Variants in CDC42BPA observed in about 807,000 individuals in gnomAD.
The protein encoded by CDC42BPA is CDC42 binding protein kinase alpha.
Under a neutral mutation model 223.5 loss-of-function variants are expected in CDC42BPA, and 80 were observed. The ratio of observed to expected loss-of-function variants is 0.36; its 90% CI spans 0.30 to 0.43. The LOEUF (loss-of-function observed/expected upper bound fraction) is 0.43, where lower values mean the gene tolerates loss of function less well. CDC42BPA is among the 20% of genes least tolerant of loss of function. The pLI is 1.00. For missense variants in CDC42BPA, 1,743 were observed against 2,099.9 expected (o/e 0.83, Z 3.32); for synonymous variants, 694 against 718.6 (o/e 0.97, Z 0.55).
intron 1 of CDC42BPA, among the ~76,000 whole-genome samples, 196 bp downstream of exon 1, chr1:227,316,809 C>A (rs1308955479): frequency 2.6e-5 from 4 of 152,144 alleles, no homozygotes; most frequent in Admixed American, 6.5e-5. Flanking sequence ...TAAATCAAGG[C>A]AACAATTGAG....
chr1:227,066,652 T>C (rs1677148922), intron 21 of CDC42BPA, among the ~76,000 whole-genome samples: 1 of 152,020 alleles, frequency 6.6e-6, no homozygotes, highest in Non-Finnish European at 1.5e-5. Flanking sequence ...GGTGGATAGA[T>C]GACTGAGTGA....
At chr1:226,998,611 G>A (rs1662113097) in intron 35 of CDC42BPA, among the ~76,000 whole-genome samples, 1 of 152,086 alleles carries the variant, frequency 6.6e-6, no homozygotes, top group Non-Finnish European at 1.5e-5. Flanking sequence ...ACTGAAATTG[G>A]ACCCCTTCCT....
In CDC42BPA at chr1:227,146,663, G is replaced by A. The variant is rs367708581; in HGVS notation, c.894+696C>T. 6.6e-5 allele frequency among the ~76,000 whole-genome samples: 10 copies of A among 151,958 alleles called. No homozygotes were observed. The East Asian group carries it at 1.7e-3, about 26-fold the overall frequency. On this transcript the variant is annotated intron_variant, in intron 7 of 36. Transcript: ENST00000366766. ...TTCACTTAGTACTAAATATATTAAC[G>A]TTTCATTAATTTGTTCTTGTTGTGT...
intron 6 of CDC42BPA, among the ~76,000 whole-genome samples, chr1:227,155,345 G>A (rs568248225): frequency 6.6e-6 from 1 of 152,232 alleles, no homozygotes; most frequent in South Asian, 2.1e-4. Flanking sequence ...ACTATGTCCA[G>A]ACAAACTATC....
chr1:227,072,032 T>C (rs1376810055), intron 20 of CDC42BPA, among the ~76,000 whole-genome samples, 176 bp downstream of exon 20: 1 of 151,904 alleles, frequency 6.6e-6, no homozygotes, highest in Admixed American at 6.6e-5. Context: ...AGGTCAGTCT[T>C]CCAAATGTGT....
chr1:227,169,402 T>G (rs1038962161), intron 5 of CDC42BPA, among the ~76,000 whole-genome samples: 11 of 152,286 alleles, frequency 7.2e-5, no homozygotes, highest in Admixed American at 4.6e-4. Context: ...AGTTAGCATT[T>G]TTTTCTTTCT....
chr1:227,090,568 T>G (rs996810367), intron 16 of CDC42BPA, among the ~76,000 whole-genome samples: 8 of 152,168 alleles, frequency 5.3e-5, no homozygotes, highest in Admixed American at 1.3e-4. Context: ...CCCAGCATTT[T>G]GGGAGGCTGA....
chr1:227,053,493 A>G (rs1401519842), intron 21 of CDC42BPA, among the ~76,000 whole-genome samples: 3 of 152,142 alleles, frequency 2.0e-5, no homozygotes, highest in Non-Finnish European at 4.4e-5. Context: ...AAACTGGGCC[A>G]CTGAACTAAA....
At chr1:227,310,104 C>T (rs1338569773) in intron 1 of CDC42BPA, among the ~76,000 whole-genome samples, 1 of 152,174 alleles carries the variant, frequency 6.6e-6, no homozygotes, top group Non-Finnish European at 1.5e-5. Flanking sequence ...TGACCTTATA[C>T]TGGAAGAACA....
chr1:227,074,210 CTCT>C (rs1311412522), intron 18 of CDC42BPA, 46 bp downstream of exon 18: 2 of 1,447,604 alleles, frequency 1.4e-6, no homozygotes, highest in African/African-American at 1.4e-5. Flanking sequence ...TTTTTTAAAT[CTCT>C]TTTTTCTAAT....
rs1439106026 is a variant in CDC42BPA at position 227,129,238 on chromosome 1, A to G, written c.1391-7T>C. On this transcript the variant is annotated splice_region_variant and splice_polypyrimidine_tract_variant and intron_variant, in intron 10 of 36. Coordinates refer to ENST00000366766, the MANE Select transcript of CDC42BPA (RefSeq NM_001394014.1). Reference sequence around the variant, plus strand: ...TGGACAGTCTGTGTTGACTCTTTAAAAAAAAGGATAAAAGAAATAAAAATA... The same window carrying G: ...TGGACAGTCTGTGTTGACTCTTTAAGAAAAAGGATAAAAGAAATAAAAATA... The G allele has an allele frequency of 6.5e-7, 1 of 1,547,872 alleles. No homozygotes were observed.
At chr1:227,163,742 A>AAT (rs1553372070) in intron 5 of CDC42BPA, among the ~76,000 whole-genome samples, 6 of 142,630 alleles carry the variant, frequency 4.2e-5, no homozygotes, top group African/African-American at 1.0e-4. Flanking sequence ...AAAAAAAAAA[A>AAT]ATATATATAT....
At chr1:227,176,255 C>A (rs1252987139) in intron 5 of CDC42BPA, among the ~76,000 whole-genome samples, 1 of 152,096 alleles carries the variant, frequency 6.6e-6, no homozygotes, top group Non-Finnish European at 1.5e-5. Context: ...GCCCAGCCCA[C>A]AATGATATCT....
chr1:227,081,329 A>G (rs1404095939), intron 16 of CDC42BPA, among the ~76,000 whole-genome samples: 1 of 151,802 alleles, frequency 6.6e-6, no homozygotes, highest in African/African-American at 2.4e-5. Context: ...TCTTTAAAAT[A>G]GCATGTAATT....
chr1:227,089,773 G>C (rs1420501294), intron 16 of CDC42BPA, among the ~76,000 whole-genome samples: 2 of 151,440 alleles, frequency 1.3e-5, no homozygotes, highest in Admixed American at 1.3e-4. Context: ...GAGAAGTTTT[G>C]AAAAATTCTC....
Position 227,145,656 on chromosome 1 carries a change from C to A in CDC42BPA, c.976G>T (p.Glu326Ter). Residue 326 changes from glutamate (E) to a stop codon, truncating the protein, a stop_gained, in exon 8 of 37, where the codon GAA becomes TAA. Coordinates refer to ENST00000366766, the MANE Select transcript of CDC42BPA (RefSeq NM_001394014.1). LOFTEE classifies it high-confidence loss of function. The part of the protein sequence containing the change: ...DLIRRLICSR[E>*]HRLGQNGIED... The stretch of plus-strand genomic sequence containing the variant: ...ATTCCATTTTGACCAAGTCGATGTT[C>A]TCTGCTACAAATGAGCCTTCGAATA... The A allele has an allele frequency of 6.2e-7, 1 of 1,613,816 alleles. No homozygotes were observed. Among genetic ancestry groups the A allele is most frequent in the South Asian group, 1.1e-5 (1 of 91,070 alleles).
intron 1 of CDC42BPA, among the ~76,000 whole-genome samples, chr1:227,300,343 A>G (rs1373765628): frequency 6.6e-6 from 1 of 152,194 alleles, no homozygotes; most frequent in Non-Finnish European, 1.5e-5. Flanking sequence ...ATAAGTCATT[A>G]CATCAAAAAC....
chr1:227,151,881 CAAAAAAAA>C (rs58336726), intron 6 of CDC42BPA, among the ~76,000 whole-genome samples: 7 of 85,774 alleles, frequency 8.2e-5, no homozygotes, highest in Admixed American at 7.4e-4. Flanking sequence ...CCAGTCTCTA[CAAAAAAAA>C]AAAAAAAAAA....
At chr1:227,212,710 A>T (rs1252077430) in intron 3 of CDC42BPA, among the ~76,000 whole-genome samples, 1 of 152,212 alleles carries the variant, frequency 6.6e-6, no homozygotes, top group Non-Finnish European at 1.5e-5. Context: ...ATACAAAGTG[A>T]CTGCATAATC....
Sources: allele counts gnomAD v4.1 joint callset (sites outside exome capture counted in the v4.1 genomes callset), GRCh38; gene constraint gnomAD v4.1.1; transcripts MANE v1.5; gene names NCBI Gene and HGNC (gene_info 2026-07-23, HGNC 2026-07-21).